Variants in DSCAM observed in about 807,000 individuals in gnomAD.
DSCAM encodes cell adhesion molecule DSCAM.
DSCAM carries 47 observed loss-of-function variants against 217.7 expected under a neutral mutation model. The observed-to-expected ratio is 0.22, with a 90% CI of 0.17 to 0.28. DSCAM has a LOEUF of 0.28. Among genes scored for constraint, DSCAM ranks in the 10% least tolerant of loss-of-function variants. DSCAM has a pLI of 1.00. For missense variants in DSCAM, 2,080 were observed against 2,618.3 expected (o/e 0.79, Z 4.49); for synonymous variants, 1,056 against 1,015.3 (o/e 1.04, Z -0.76).
At chr21:40,090,746 C>G (rs1033044268) in intron 21 of DSCAM, among the ~76,000 whole-genome samples, 1 of 152,176 alleles carries the variant, frequency 6.6e-6, no homozygotes, top group South Asian at 2.1e-4. Flanking sequence ...GATATCCAGA[C>G]GCTGACCCGC....
At chr21:40,611,747 C>T (rs1173155471) in intron 3 of DSCAM, among the ~76,000 whole-genome samples, 1 of 152,206 alleles carries the variant, frequency 6.6e-6, no homozygotes, top group Non-Finnish European at 1.5e-5. Context: ...ATGCAAATAG[C>T]TCTGAACCAC....
intron 2 of DSCAM, 62 bp downstream of exon 2, chr21:40,708,392 A>G (rs1444464848): frequency 6.7e-6 from 9 of 1,333,416 alleles, no homozygotes; most frequent in Admixed American, 2.9e-5. Context: ...GCTATGTGTC[A>G]TTGTCATTAT....
chr21:40,267,002 A>G (rs1053128520), intron 11 of DSCAM, among the ~76,000 whole-genome samples: 6 of 148,454 alleles, frequency 4.0e-5, no homozygotes, highest in African/African-American at 1.2e-4. Flanking sequence ...ACAGAGTGCT[A>G]TAACGGACTC....
intron 3 of DSCAM, among the ~76,000 whole-genome samples, chr21:40,652,341 C>G (rs1361494733): frequency 3.1e-5 from 1 of 31,788 alleles, no homozygotes; most frequent in Non-Finnish European, 5.6e-5. Flanking sequence ...AAAACAACAA[C>G]AACAACAAAA....
intron 3 of DSCAM, among the ~76,000 whole-genome samples, chr21:40,524,340 CT>C (rs925592122): frequency 2.6e-5 from 4 of 151,794 alleles, no homozygotes; most frequent in East Asian, 1.9e-4. Flanking sequence ...GGATAATTCT[CT>C]TTTTTTTCCT....
At position 40,012,979 on chromosome 21, in the gene DSCAM, CT is replaced by C. The variant is rs1283615428; in HGVS notation, c.*54del. 8.1e-7 allele frequency: 1 copy of C among 1,235,266 alleles called. No homozygotes were observed. Among genetic ancestry groups the C allele is most frequent in the African/African-American group, 1.6e-5 (1 of 64,210 alleles). 76.5% of individuals were successfully genotyped at this position (1,235,266 alleles called of 1,614,324 possible). The stretch of plus-strand genomic sequence containing the variant: ...TTGGAATTCCGTAAAAAAAAGGTAG[CT>C]TTGATTGAATTGTTTGAATTGTATT... On this transcript the variant is annotated 3_prime_UTR_variant, in exon 33 of 33. Coordinates refer to ENST00000400454, the MANE Select transcript of DSCAM (RefSeq NM_001389.5).
At chr21:40,289,170 T>C (rs1232046575) in intron 10 of DSCAM, among the ~76,000 whole-genome samples, 2 of 151,964 alleles carry the variant, frequency 1.3e-5, no homozygotes, top group African/African-American at 4.8e-5. Context: ...AATTAGAAAA[T>C]AGCTAAACTT....
chr21:40,265,686 C>A (rs1235115286), intron 11 of DSCAM, among the ~76,000 whole-genome samples: 1 of 152,026 alleles, frequency 6.6e-6, no homozygotes, highest in South Asian at 2.1e-4. Flanking sequence ...AGAAATAAAG[C>A]CAAATACTTA....
chr21:40,402,214 C>T (rs2075242104), intron 3 of DSCAM, among the ~76,000 whole-genome samples: 1 of 151,434 alleles, frequency 6.6e-6, no homozygotes, highest in Non-Finnish European at 1.5e-5. Flanking sequence ...CTACAGGCGC[C>T]CGCCACCACG....
At position 40,655,666 on chromosome 21, in the gene DSCAM, T is replaced by C. The variant is rs566243805; in HGVS notation, c.508+37144A>G. ...CAGGATTTTGCCATGTTGCCAATAC[T>C]GGTCATGAACTCCTGGATGCAAGTG... On this transcript the variant is annotated intron_variant, in intron 3 of 32. Coordinates refer to ENST00000400454, the MANE Select transcript of DSCAM (RefSeq NM_001389.5). Among the ~76,000 whole-genome samples, 3 of 152,244 alleles carry C rather than the reference T, an allele frequency of 2.0e-5. No homozygotes were observed. The East Asian group carries it at 5.8e-4, about 29-fold the overall frequency.
At chr21:40,458,871 G>T (rs2075784001) in intron 3 of DSCAM, among the ~76,000 whole-genome samples, 1 of 152,096 alleles carries the variant, frequency 6.6e-6, no homozygotes, top group South Asian at 2.1e-4. Context: ...CAGGATTTAT[G>T]ACCAAGAATT....
intron 10 of DSCAM, among the ~76,000 whole-genome samples, chr21:40,277,417 G>A (rs1401194851): frequency 6.6e-6 from 1 of 152,108 alleles, no homozygotes; most frequent in Non-Finnish European, 1.5e-5. Flanking sequence ...TCTCACTCGA[G>A]CTCACAATGG....
At chr21:40,360,546 T>C (rs184330067) in intron 4 of DSCAM, among the ~76,000 whole-genome samples, 59 of 152,264 alleles carry the variant, frequency 3.9e-4, no homozygotes, top group Non-Finnish European at 6.9e-4. Context: ...CTCTTACTTA[T>C]AAGTGAGAAC....
rs200410460 is a variant in DSCAM at position 40,042,493 on chromosome 21, G to A, written c.5564C>T (p.Thr1855Met). Reference protein sequence around the residue: ...EQLTAGTNEYTDSLTSSTPSE... With the variant: ...EQLTAGTNEYMDSLTSSTPSE... ...AGGGGTGCTGGAGGTCAGACTGTCC[G>A]TGTACTCATTTGTCCCTGCCGTCAA... is the stretch of plus-strand genomic sequence containing the variant. Residue 1855 changes from threonine (T) to methionine (M), a missense_variant, in exon 32 of 33, where the codon ACG becomes ATG. Physicochemically the swap from Thr to Met is moderately conservative, Grantham distance 81. This residue lies in a region of DSCAM where 1,144 missense variants were observed against 1,421.1 expected (regional missense o/e 0.81). Transcript: ENST00000400454. The A allele has an allele frequency of 3.3e-5, 54 of 1,614,064 alleles. No homozygotes were observed. Among genetic ancestry groups the A allele is most frequent in the Admixed American group, 3.3e-5 (2 of 60,008 alleles).
At chr21:40,287,662 T>C (rs1372735988) in intron 10 of DSCAM, among the ~76,000 whole-genome samples, 1 of 152,180 alleles carries the variant, frequency 6.6e-6, no homozygotes, top group East Asian at 1.9e-4. Flanking sequence ...ATCAAGTTCC[T>C]GTTGCCCCCT....
intron 3 of DSCAM, among the ~76,000 whole-genome samples, chr21:40,496,809 C>A (rs2076122140): frequency 6.6e-6 from 1 of 151,842 alleles, no homozygotes; most frequent in Non-Finnish European, 1.5e-5. Context: ...AAACAAATAG[C>A]CTAATTAAAA....
chr21:40,080,452 A>G, intron 24 of DSCAM, 112 bp from the exon 25 acceptor site: 2 of 948,676 alleles, frequency 2.1e-6, no homozygotes, highest in Middle Eastern at 3.5e-4. Context: ...GAACTGAAGA[A>G]TCTTCAGAAG....
chr21:40,219,914 G>A (rs1008037313), intron 11 of DSCAM, among the ~76,000 whole-genome samples: 1 of 152,152 alleles, frequency 6.6e-6, no homozygotes, highest in African/African-American at 2.4e-5. Context: ...TTTTGAATAT[G>A]TTTGGTGCAG....
intron 3 of DSCAM, among the ~76,000 whole-genome samples, chr21:40,588,315 A>G (rs554659352): frequency 6.6e-6 from 1 of 152,342 alleles, no homozygotes; most frequent in African/African-American, 2.4e-5. Context: ...GCACCAACCT[A>G]ATATATACTG....
Sources: allele counts gnomAD v4.1 joint callset (sites outside exome capture counted in the v4.1 genomes callset), GRCh38; gene constraint gnomAD v4.1.1; regional missense constraint gnomAD v4.1.1; transcripts MANE v1.5; gene names NCBI Gene and HGNC (gene_info 2026-07-23, HGNC 2026-07-21).